HPSE2: variants seen among roughly 807,000 people sequenced by gnomAD.
HPSE2 encodes the protein heparanase 2 (inactive).
In HPSE2, 38 loss-of-function variants were observed where a neutral mutation model predicts 60.5. The observed-to-expected ratio is 0.63, with a 90% CI of 0.48 to 0.82. The LOEUF is 0.82. HPSE2 is among the 40% of genes least tolerant of loss of function. The probability of loss-of-function intolerance (pLI) is 0.00; values close to 1 mark genes in which losing one functional copy is unlikely to be tolerated. For synonymous variants in HPSE2, 295 were observed against 293.2 expected (o/e 1.01, Z -0.06); for missense variants, 713 against 740.4 (o/e 0.96, Z 0.43).
chr10:98,920,187 A>C (rs1301394972), intron 3 of HPSE2, among the ~76,000 whole-genome samples: 1 of 152,066 alleles, frequency 6.6e-6, no homozygotes, highest in Non-Finnish European at 1.5e-5. Context: ...GTAATGTGGG[A>C]TTTCTATAAT....
intron 3 of HPSE2, among the ~76,000 whole-genome samples, chr10:98,920,342 G>C (rs1954246592): frequency 6.6e-6 from 1 of 152,056 alleles, no homozygotes; most frequent in Non-Finnish European, 1.5e-5. Flanking sequence ...CTGGCTGAAG[G>C]CTCTCCCTGC....
chr10:99,026,507 C>G (rs1220805633), intron 3 of HPSE2, among the ~76,000 whole-genome samples: 1 of 151,900 alleles, frequency 6.6e-6, no homozygotes, highest in African/African-American at 2.4e-5. Context: ...GAGAGAGAGT[C>G]CTCAATACAA....
In HPSE2 at chr10:98,620,697, T is replaced by G; in HGVS notation, c.1110A>C (p.Thr370=). The G allele has an allele frequency of 6.2e-7, 1 of 1,612,610 alleles. No individual in the cohort carries two copies. The part of the protein sequence containing the change: ...QIRKIQKVVN[T]YTPGKKIWLE... ...GCCAAATCTTCTTTCCTGGAGTGTA[T>G]GTATTAACCACCTGTTTACACAACA... Residue 370 remains threonine (T), a synonymous_variant, in exon 8 of 12, where the codon ACA becomes ACC. Coordinates refer to ENST00000370552, the MANE Select transcript of HPSE2 (RefSeq NM_021828.5).
At chr10:99,267,173 G>A in the HPSE2 span, among the ~76,000 whole-genome samples, 1 of 151,952 alleles carries the variant, frequency 6.6e-6, no homozygotes, top group Admixed American at 6.6e-5. Context: ...TGAATTACCA[G>A]AAGAATTCAG....
At chr10:98,944,798 T>G (rs1955130628) in intron 3 of HPSE2, among the ~76,000 whole-genome samples, 1 of 152,130 alleles carries the variant, frequency 6.6e-6, no homozygotes, top group African/African-American at 2.4e-5. Flanking sequence ...TAGCTTCCAG[T>G]TTCTCCATCC....
chr10:98,735,441 T>C (rs1010992169), intron 4 of HPSE2, among the ~76,000 whole-genome samples: 1 of 150,926 alleles, frequency 6.6e-6, no homozygotes, highest in African/African-American at 2.4e-5. Context: ...GTTAGGGCAG[T>C]GTGGAAGGGA....
intron 3 of HPSE2, among the ~76,000 whole-genome samples, chr10:99,133,065 G>A (rs779285342): frequency 1.2e-4 from 18 of 152,300 alleles, no homozygotes; most frequent in South Asian, 8.3e-4. Flanking sequence ...GGTGAGGGGC[G>A]TCTACCATTG....
At chr10:99,142,635 G>A (rs988880224) in intron 3 of HPSE2, among the ~76,000 whole-genome samples, 1 of 152,192 alleles carries the variant, frequency 6.6e-6, no homozygotes, top group Non-Finnish European at 1.5e-5. Flanking sequence ...TTAGTAGAAA[G>A]TAAGCAAGTT....
At chr10:98,501,064 AC>A (rs1451828005) in intron 9 of HPSE2, among the ~76,000 whole-genome samples, 1 of 150,844 alleles carries the variant, frequency 6.6e-6, no homozygotes, top group Non-Finnish European at 1.5e-5. Context: ...AAAATTACCA[AC>A]AAAAAAAAAA....
At chr10:99,053,364 A>G (rs904097970) in intron 3 of HPSE2, among the ~76,000 whole-genome samples, 2 of 117,062 alleles carry the variant, frequency 1.7e-5, no homozygotes, top group African/African-American at 5.3e-5. Flanking sequence ...CCACTAAAAA[A>G]CAGTACAAAA....
chr10:99,003,740 A>T (rs948027021), intron 3 of HPSE2, among the ~76,000 whole-genome samples: 1 of 152,018 alleles, frequency 6.6e-6, no homozygotes, highest in Non-Finnish European at 1.5e-5. Context: ...TACCAGATGG[A>T]TGGTTTGCAA....
chr10:98,749,727 G>T (rs1017846716), intron 3 of HPSE2, among the ~76,000 whole-genome samples: 39 of 150,442 alleles, frequency 2.6e-4, no homozygotes, highest in African/African-American at 8.5e-4. Flanking sequence ...AGATGATTTT[G>T]CCCAACAGTA....
chr10:98,517,123 C>G (rs1395748597), intron 9 of HPSE2, among the ~76,000 whole-genome samples: 1 of 149,218 alleles, frequency 6.7e-6, no homozygotes, highest in African/African-American at 2.5e-5. Context: ...TTCCCAGATC[C>G]TAAGACCCAG....
intron 10 of HPSE2, among the ~76,000 whole-genome samples, chr10:98,488,984 C>T (rs867786538): frequency 6.6e-6 from 1 of 152,144 alleles, no homozygotes; most frequent in Non-Finnish European, 1.5e-5. Context: ...GCTCCTCTCT[C>T]ATCAAGGAAG....
rs1414177587 is a variant in HPSE2 at position 98,459,589 on chromosome 10, G to T, written c.1764C>A (p.Ala588=). ...TGAGGATAGCTTATCGGTAGCGGCA[G>T]GCCAAAGCATTGACATTCTTGACCA... ...FYVVKNVNAL[A]CRYR The change falls in exon 12 of 12, where the codon GCC becomes GCA. Residue 588 remains alanine, a synonymous_variant. Transcript: ENST00000370552. 6.2e-7 allele frequency: 1 copy of T among 1,614,034 alleles called. No homozygotes were observed. Among genetic ancestry groups the T allele is most frequent in the Non-Finnish European group, 8.5e-7 (1 of 1,180,034 alleles).
chr10:98,504,917 ATAT>A (rs1169322822), intron 9 of HPSE2, among the ~76,000 whole-genome samples: 1 of 152,114 alleles, frequency 6.6e-6, no homozygotes, highest in African/African-American at 2.4e-5. Context: ...CATAAGCAAT[ATAT>A]TATTCAGTGT....
chr10:98,566,005 C>T (rs997134448), intron 9 of HPSE2, among the ~76,000 whole-genome samples: 2 of 152,158 alleles, frequency 1.3e-5, no homozygotes, highest in Admixed American at 1.3e-4. Context: ...TGCTCCCCTC[C>T]AGGCCTCCTG....
chr10:98,827,989 G>A (rs543951658), intron 3 of HPSE2, among the ~76,000 whole-genome samples: 28 of 152,278 alleles, frequency 1.8e-4, no homozygotes, highest in African/African-American at 6.7e-4. Flanking sequence ...GCTTCAATTT[G>A]AAAAGATTGG....
chr10:98,870,010 A>C (rs1263001498), intron 3 of HPSE2, among the ~76,000 whole-genome samples: 1 of 152,152 alleles, frequency 6.6e-6, no homozygotes, highest in East Asian at 1.9e-4. Flanking sequence ...TTGTAGTGTA[A>C]GTTTTAACTC....
Sources: allele counts gnomAD v4.1 joint callset (sites outside exome capture counted in the v4.1 genomes callset), GRCh38; gene constraint gnomAD v4.1.1; transcripts MANE v1.5; gene names NCBI Gene and HGNC (gene_info 2026-07-23, HGNC 2026-07-21).